The following DLEC1 variants were observed in gnomAD, a reference collection of about 807,000 sequenced individuals.
DLEC1 encodes the protein deleted in lung and esophageal cancer protein 1.
A neutral mutation model predicts 198.1 loss-of-function variants in DLEC1; 146 were observed. The observed-to-expected ratio is 0.74, with a 90% confidence interval of 0.64 to 0.85. The LOEUF is 0.85. Among genes scored for constraint, DLEC1 ranks in the 40% least tolerant of loss-of-function variants. DLEC1 has a pLI of 0.00. For missense variants in DLEC1, 2,233 were observed against 2,220.0 expected (o/e 1.01, Z -0.12); for synonymous variants, 897 against 866.8 (o/e 1.03, Z -0.61).
intron 10 of DLEC1, among the ~76,000 whole-genome samples, chr3:38,090,292 A>T (rs1197633114): frequency 6.6e-6 from 1 of 152,248 alleles, no homozygotes; most frequent in African/African-American, 2.4e-5. Context: ...TCCAGAGGCC[A>T]TACCTGGCCA....
chr3:38,102,379 A>G (rs1699351055), intron 19 of DLEC1, among the ~76,000 whole-genome samples: 1 of 152,176 alleles, frequency 6.6e-6, no homozygotes, highest in Non-Finnish European at 1.5e-5. Flanking sequence ...AGAGGCAATC[A>G]TGTTTCGAAA....
At chr3:38,089,025 C>T (rs769325539) in intron 10 of DLEC1, among the ~76,000 whole-genome samples, 31 of 152,204 alleles carry the variant, frequency 2.0e-4, no homozygotes, top group Non-Finnish European at 4.4e-4. Context: ...GACTCCTGGT[C>T]TAGGAGTCTG....
chr3:38,083,291 T>G, intron 6 of DLEC1, among the ~76,000 whole-genome samples: 1 of 148,368 alleles, frequency 6.7e-6, no homozygotes, highest in Admixed American at 6.8e-5. Context: ...CGAAGGGAGA[T>G]GGGGTGGGGC....
chr3:38,110,281 T>C lies in DLEC1; in HGVS notation c.3443T>C (p.Leu1148Pro), dbSNP rs376704576. The change falls in exon 23 of 37, where the codon CTT (leucine) becomes CCT (proline). Residue 1148 changes from leucine (L) to proline (P), a missense_variant and splice_region_variant. Coordinates refer to ENST00000308059, the MANE Select transcript of DLEC1 (RefSeq NM_007335.4). ...AACAGCCTGAGCAAAAAGACCAGCC[T>C]GTAAGTCTTGCTTCTTTCACTTCCC... ...PQNSLSKKTSLPNMPPALLKT... is the reference protein window; with the variant it reads ...PQNSLSKKTSPPNMPPALLKT... The C allele has an allele frequency of 5.0e-6, 8 of 1,613,972 alleles. No individual in the cohort carries two copies. Among genetic ancestry groups the C allele is most frequent in the African/African-American group, 2.7e-5 (2 of 74,942 alleles).
chr3:38,066,172 G>A (rs1035635230), intron 6 of DLEC1, among the ~76,000 whole-genome samples: 3 of 152,168 alleles, frequency 2.0e-5, no homozygotes, highest in African/African-American at 7.2e-5. Flanking sequence ...TTGAAATTCT[G>A]ATTCATTCTC....
At chr3:38,062,089 G>A (rs1332776134) in intron 3 of DLEC1, 80 bp from the exon 4 acceptor site, 1 of 1,435,864 alleles carries the variant, frequency 7.0e-7, no homozygotes, top group Non-Finnish European at 9.7e-7. Flanking sequence ...TGTGGCTTTG[G>A]TGGTTTTATT....
intron 6 of DLEC1, among the ~76,000 whole-genome samples, chr3:38,067,690 T>A (rs1329587026): frequency 6.6e-6 from 1 of 151,986 alleles, no homozygotes; most frequent in Non-Finnish European, 1.5e-5. Flanking sequence ...CTGTGCTTCC[T>A]TACAGTATGG....
At position 38,082,676 on chromosome 3, in the gene DLEC1, G is replaced by A. The variant is rs1658820262; in HGVS notation, c.1174-1482G>A. ...GGGTACTTGCCCCTCCCCCAGAAAA[G>A]CAGAGAAGGGGTAGAGACTCAGAAG... is the stretch of plus-strand genomic sequence containing the variant. On this transcript the variant is annotated intron_variant, in intron 6 of 36. Transcript: ENST00000308059. Among the ~76,000 whole-genome samples the A allele has an allele frequency of 9.2e-5, 14 of 152,050 alleles. No individual in the cohort carries two copies. In the South Asian group the frequency reaches 2.7e-3, roughly 29 times the overall value.
chr3:38,096,023 A>G, intron 14 of DLEC1, 77 bp downstream of exon 14: 18 of 1,568,222 alleles, frequency 1.1e-5, no homozygotes, highest in Non-Finnish European at 1.6e-5. Context: ...TGGGGAAGGT[A>G]TCAGGTGAGG....
intron 6 of DLEC1, among the ~76,000 whole-genome samples, chr3:38,080,335 G>A (rs1010327344): frequency 6.6e-6 from 1 of 151,740 alleles, no homozygotes; most frequent in East Asian, 1.9e-4. Context: ...GAGGGGAGAG[G>A]TCAGATGGGT....
chr3:38,080,064 T>C (rs912785507), intron 6 of DLEC1, among the ~76,000 whole-genome samples: 11 of 152,198 alleles, frequency 7.2e-5, no homozygotes, highest in African/African-American at 2.7e-4. Context: ...GAAGGAGCCA[T>C]GAACTGGGCT....
chr3:38,085,399 A>C lies in DLEC1; in HGVS notation c.1387A>C (p.Thr463Pro). The change falls in exon 8 of 37, where the codon ACA becomes CCA. Residue 463 changes from threonine (T) to proline (P), a missense_variant. Physicochemically the swap from Thr to Pro is conservative, Grantham distance 38. Coordinates refer to ENST00000308059, the MANE Select transcript of DLEC1 (RefSeq NM_007335.4). ...FILVETQSAH[T>P]LLIPLQARRP... ...TTTAGTGGAGACCCAGTCAGCCCAC[A>C]CACTTCTGATCCCCCTGCAGGCCCG... 6.2e-7 allele frequency: 1 copy of C among 1,614,096 alleles called. No individual in the cohort carries two copies. The highest frequency in any genetic ancestry group is 8.5e-7 in the Non-Finnish European group (1 of 1,180,004).
chr3:38,082,599 G>GC (rs1424363176), intron 6 of DLEC1, among the ~76,000 whole-genome samples: 2 of 152,144 alleles, frequency 1.3e-5, no homozygotes, highest in Non-Finnish European at 2.9e-5. Flanking sequence ...GGGGGTTCTT[G>GC]CCCCCTAGAA....
rs529500436 is a variant in DLEC1, at chr3:38,101,506, CTATA to C, written c.2864+1087_2864+1090del. Among the ~76,000 whole-genome samples, 486 of 152,176 alleles carry C rather than the reference CTATA, an allele frequency of 3.2e-3. 5 individuals carry two copies. The highest frequency in any genetic ancestry group is 0.01 in the Middle Eastern group (3 of 294). On this transcript the variant is annotated intron_variant, in intron 19 of 36. Transcript: ENST00000308059. ...AGATGTTGTTTTATTATTCGTTAAACTATATATATGTTTAAACTGTATATATGTT... is the reference window on the plus strand; with the variant it reads ...AGATGTTGTTTTATTATTCGTTAAACTATATGTTTAAACTGTATATATGTT...
At chr3:38,045,892 G>A (rs769275024) in intron 2 of DLEC1, among the ~76,000 whole-genome samples, 199 bp downstream of exon 2, 2 of 152,098 alleles carry the variant, frequency 1.3e-5, no homozygotes, top group African/African-American at 2.4e-5. Context: ...AAACAAGGAC[G>A]CTCTCCTACA....
chr3:38,053,703 A>G (rs2125593604), intron 2 of DLEC1, among the ~76,000 whole-genome samples: 1 of 152,382 alleles, frequency 6.6e-6, no homozygotes, highest in African/African-American at 2.4e-5. Flanking sequence ...TGTACCCAAC[A>G]GCTCATTGAG....
At chr3:38,101,201 T>TA (rs1418354641) in intron 19 of DLEC1, among the ~76,000 whole-genome samples, 6 of 152,228 alleles carry the variant, frequency 3.9e-5, no homozygotes, top group African/African-American at 1.4e-4. Flanking sequence ...CTCACGCCTG[T>TA]AATCCCAGCA....
intron 6 of DLEC1, among the ~76,000 whole-genome samples, chr3:38,074,842 T>A (rs927547270): frequency 6.6e-6 from 1 of 152,210 alleles, no homozygotes; most frequent in African/African-American, 2.4e-5. Flanking sequence ...TAGTGGGGTC[T>A]GATGAGAAAG....
chr3:38,072,738 G>GT lies in DLEC1; in HGVS notation c.1173+8822dup, dbSNP rs745811772. 6.7e-4 allele frequency among the ~76,000 whole-genome samples: 102 copies of GT among 152,312 alleles called. 1 individual carries two copies. In the Middle Eastern group the frequency reaches 0.024, roughly 36 times the overall value. On this transcript the variant is annotated intron_variant, in intron 6 of 36. Transcript: ENST00000308059. ...TTGTTGTTTTGTAGAAGGGGTTGGG[G>GT]TTTGAGAGATTAGTCGGGCACGATT...
Sources: gnomAD v4.1 joint callset for allele counts (sites outside exome capture counted in the v4.1 genomes callset) on GRCh38, gnomAD v4.1.1 for gene constraint, MANE v1.5 for transcripts, NCBI Gene and HGNC (gene_info 2026-07-23, HGNC 2026-07-21) for gene names.